INVS: variants seen among roughly 807,000 people sequenced by gnomAD.
INVS encodes inversion of embryo turning homolog.
INVS carries 86 observed loss-of-function variants against 108.8 expected under a neutral mutation model. The observed-to-expected ratio is 0.79, with a 90% CI of 0.66 to 0.95. INVS has a LOEUF of 0.95. INVS is among the 40% of genes least tolerant of loss of function. The pLI is 0.00. For missense variants in INVS, 1,169 were observed against 1,297.4 expected (o/e 0.90, Z 1.52); for synonymous variants, 455 against 473.5 (o/e 0.96, Z 0.51).
At chr9:100,225,318 G>C (rs956431427) in intron 3 of INVS, among the ~76,000 whole-genome samples, 1 of 150,280 alleles carries the variant, frequency 6.7e-6, no homozygotes, top group African/African-American at 2.5e-5. Flanking sequence ...AAAGTGCTGG[G>C]GTTGCAGATG....
chr9:100,145,246 C>G (rs556800270), intron 3 of INVS, among the ~76,000 whole-genome samples: 34 of 151,546 alleles, frequency 2.2e-4, no homozygotes, highest in African/African-American at 8.2e-4. Flanking sequence ...TTTGGGGGTT[C>G]TTACCTTCCA....
At position 100,168,400 on chromosome 9, in the gene INVS, C is replaced by A. The variant is rs189899864; in HGVS notation, c.273+41851C>A. 1.6e-4 allele frequency among the ~76,000 whole-genome samples: 25 copies of A among 152,238 alleles called. 1 individual carries two copies. In the East Asian group the frequency reaches 3.9e-3, roughly 24 times the overall value. ...TGTTATGATTTGTTCATTTTTATAC[C>A]ATTTATTAGCCTTTACTTGTTGTGC... On this transcript the variant is annotated intron_variant, in intron 3 of 16. Coordinates refer to ENST00000262457, the MANE Select transcript of INVS (RefSeq NM_014425.5).
intron 11 of INVS, among the ~76,000 whole-genome samples, chr9:100,265,408 A>C (rs16919024): frequency 0.18 from 27,072 of 152,228 alleles, 2,836 homozygotes; most frequent in African/African-American, 0.29. Flanking sequence ...ACTTTCATGC[A>C]ATGTTGATTT....
intron 3 of INVS, among the ~76,000 whole-genome samples, chr9:100,138,882 T>G (rs980755422): frequency 2.1e-5 from 3 of 140,430 alleles, no homozygotes; most frequent in Non-Finnish European, 1.5e-5. Flanking sequence ...AATTTTTGTA[T>G]TTTTAGTAGA....
chr9:100,283,404 A>G (rs1288323002), intron 12 of INVS, among the ~76,000 whole-genome samples: 1 of 152,130 alleles, frequency 6.6e-6, no homozygotes, highest in East Asian at 1.9e-4. Flanking sequence ...TCCTCAGGAG[A>G]GGACCTGAAA....
intron 2 of INVS, among the ~76,000 whole-genome samples, chr9:100,114,401 T>C (rs997664077): frequency 2.9e-5 from 4 of 135,616 alleles, no homozygotes; most frequent in Non-Finnish European, 6.3e-5. Context: ...CTTTTTTTTT[T>C]TTTTTTTTTT....
chr9:100,270,905 C>G, intron 11 of INVS, among the ~76,000 whole-genome samples: 1 of 146,412 alleles, frequency 6.8e-6, no homozygotes, highest in South Asian at 2.2e-4. Context: ...GCCTGGGCAA[C>G]AGAGTGAGAC....
chr9:100,224,467 T>C (rs1831244821), intron 3 of INVS, among the ~76,000 whole-genome samples: 2 of 152,124 alleles, frequency 1.3e-5, no homozygotes, highest in African/African-American at 4.8e-5. Flanking sequence ...CAACTGGAAG[T>C]AAAAATGAGG....
chr9:100,155,654 A>G (rs1313891506), intron 3 of INVS, among the ~76,000 whole-genome samples: 1 of 152,248 alleles, frequency 6.6e-6, no homozygotes, highest in Non-Finnish European at 1.5e-5. Context: ...ACTTTAAAAC[A>G]TAGTAAATTT....
chr9:100,284,642 G>A (rs1274895969), intron 13 of INVS, 39 bp downstream of exon 13: 7 of 1,601,352 alleles, frequency 4.4e-6, no homozygotes, highest in Non-Finnish European at 6.0e-6. Context: ...CCGGCCCATG[G>A]ACTGTGGGCT....
At chr9:100,201,404 C>A (rs1019013539) in intron 3 of INVS, among the ~76,000 whole-genome samples, 3 of 152,218 alleles carry the variant, frequency 2.0e-5, no homozygotes, top group African/African-American at 4.8e-5. Context: ...ACTAGTTATG[C>A]AGACGTCTTT....
chr9:100,179,271 C>T (rs1044779408), intron 3 of INVS, among the ~76,000 whole-genome samples: 11 of 152,248 alleles, frequency 7.2e-5, no homozygotes, highest in Middle Eastern at 3.4e-3. Context: ...ATGACAGGAT[C>T]AAATTCACAG....
intron 3 of INVS, among the ~76,000 whole-genome samples, chr9:100,155,044 C>A (rs1235294782): frequency 1.3e-5 from 2 of 152,040 alleles, no homozygotes; most frequent in Non-Finnish European, 2.9e-5. Context: ...GAAACCCCAT[C>A]TCTACTAAAA....
intron 13 of INVS, among the ~76,000 whole-genome samples, chr9:100,285,921 C>G (rs1323916998): frequency 6.6e-6 from 1 of 152,162 alleles, no homozygotes; most frequent in East Asian, 1.9e-4. Flanking sequence ...TAGGAGCTTT[C>G]CCAAAATCTA....
chr9:100,274,773 G>A (rs1336115624), intron 12 of INVS, among the ~76,000 whole-genome samples: 1 of 152,162 alleles, frequency 6.6e-6, no homozygotes, highest in Non-Finnish European at 1.5e-5. Context: ...CCAAAATGCT[G>A]GGACTACAGG....
chr9:100,201,675 A>G (rs930937410), intron 3 of INVS, among the ~76,000 whole-genome samples: 1 of 152,218 alleles, frequency 6.6e-6, no homozygotes, highest in African/African-American at 2.4e-5. Context: ...AAGATATAAG[A>G]CTGGAAGCCA....
chr9:100,194,754 G>T (rs1042308476), intron 3 of INVS, among the ~76,000 whole-genome samples: 3 of 152,138 alleles, frequency 2.0e-5, no homozygotes, highest in Non-Finnish European at 4.4e-5. Flanking sequence ...AACAAATGTA[G>T]GGGGAAGCTA....
At chr9:100,103,000 G>C (rs964365564) in intron 1 of INVS, among the ~76,000 whole-genome samples, 3 of 151,830 alleles carry the variant, frequency 2.0e-5, no homozygotes, top group African/African-American at 7.3e-5. Context: ...TTATGGGCAC[G>C]CGCCACCACG....
At chr9:100,290,556 C>T (rs907710516) in intron 13 of INVS, among the ~76,000 whole-genome samples, 5 of 151,872 alleles carry the variant, frequency 3.3e-5, no homozygotes, top group Admixed American at 2.6e-4. Flanking sequence ...TTCTCCACAT[C>T]GGTCAGGCTG....
Sources: allele counts gnomAD v4.1 joint callset (sites outside exome capture counted in the v4.1 genomes callset), GRCh38; gene constraint gnomAD v4.1.1; transcripts MANE v1.5; gene names NCBI Gene and HGNC (gene_info 2026-07-23, HGNC 2026-07-21).